ACYP2: variants seen among roughly 807,000 people sequenced by gnomAD.
ACYP2 encodes acylphosphatase-2.
ACYP2 carries 12 observed loss-of-function variants against 11.2 expected under a neutral mutation model. The ratio of observed to expected loss-of-function variants is 1.08; its 90% CI spans 0.69 to 1.74. ACYP2 has a LOEUF of 1.74. Among genes scored for constraint, ACYP2 ranks in the 40% most tolerant of loss-of-function variants. The probability of loss-of-function intolerance (pLI) is 0.00; values close to 1 mark genes in which losing one functional copy is unlikely to be tolerated. For missense variants in ACYP2, 134 were observed against 101.9 expected (o/e 1.31, Z -1.35); for synonymous variants, 43 against 32.2 (o/e 1.33, Z -1.13).
At chr2:54,038,819 A>T (rs1205245779) in intron 2 of ACYP2, among the ~76,000 whole-genome samples, 1 of 145,488 alleles carries the variant, frequency 6.9e-6, no homozygotes, top group African/African-American at 2.5e-5. Context: ...AAAAAAAAAG[A>T]TAAATAAAAT....
intron 6 of ACYP2, among the ~76,000 whole-genome samples, chr2:54,272,008 A>G (rs1181728397): frequency 6.6e-6 from 1 of 152,192 alleles, no homozygotes; most frequent in Non-Finnish European, 1.5e-5. Flanking sequence ...CTAGGCTGGA[A>G]AGGCAAGAAA....
intron 4 of ACYP2, among the ~76,000 whole-genome samples, chr2:54,129,543 G>A (rs1414844484): frequency 6.6e-6 from 1 of 151,488 alleles, no homozygotes; most frequent in African/African-American, 2.4e-5. Context: ...TATGCATAAT[G>A]TCAATTTAGG....
chr2:54,274,809 G>A (rs1688475452), intron 6 of ACYP2, among the ~76,000 whole-genome samples: 1 of 152,106 alleles, frequency 6.6e-6, no homozygotes, highest in African/African-American at 2.4e-5. Context: ...CACAATATTT[G>A]CAAGAAGAGA....
intron 2 of ACYP2, among the ~76,000 whole-genome samples, chr2:54,025,091 A>G (rs1256398791): frequency 6.6e-6 from 1 of 152,210 alleles, no homozygotes. Context: ...GAAAGAAATC[A>G]GGGACTACAT....
intron 6 of ACYP2, among the ~76,000 whole-genome samples, chr2:54,299,591 C>CA (rs1213298753): frequency 0.023 from 1,794 of 78,892 alleles, 13 homozygotes; most frequent in Non-Finnish European, 0.025. Context: ...GACTCTGTCT[C>CA]AAAAAAAAAA....
intron 4 of ACYP2, among the ~76,000 whole-genome samples, chr2:54,091,381 C>A (rs1050110043): frequency 6.6e-6 from 1 of 152,072 alleles, no homozygotes; most frequent in African/African-American, 2.4e-5. Flanking sequence ...CATTTTATAT[C>A]CATGAAGGTA....
At chr2:54,002,803 C>A (rs972216212) in intron 2 of ACYP2, among the ~76,000 whole-genome samples, 3 of 151,678 alleles carry the variant, frequency 2.0e-5, no homozygotes, top group Non-Finnish European at 4.4e-5. Flanking sequence ...AGGCATGCAC[C>A]ACCACACCTG....
chr2:54,113,214 A>G (rs1298159591), intron 4 of ACYP2, among the ~76,000 whole-genome samples: 1 of 151,204 alleles, frequency 6.6e-6, no homozygotes, highest in African/African-American at 2.4e-5. Context: ...AAGAAACAAG[A>G]GTCTGCATGA....
chr2:54,057,610 A>G (rs1676225880), intron 4 of ACYP2, among the ~76,000 whole-genome samples: 1 of 152,250 alleles, frequency 6.6e-6, no homozygotes, highest in African/African-American at 2.4e-5. Flanking sequence ...ACGTTTTATT[A>G]GAAGCATACT....
intron 2 of ACYP2, among the ~76,000 whole-genome samples, chr2:54,019,867 G>T (rs970194594): frequency 2.6e-5 from 4 of 151,844 alleles, no homozygotes; most frequent in Admixed American, 6.6e-5. Context: ...TGATCCACCT[G>T]CCTCGGCCTT....
At chr2:54,168,712 A>G (rs1683110002) in intron 6 of ACYP2, among the ~76,000 whole-genome samples, 1 of 151,406 alleles carries the variant, frequency 6.6e-6, no homozygotes, top group Admixed American at 6.6e-5. Flanking sequence ...TTAAAAAGAG[A>G]AAGAGCAGTG....
At chr2:54,165,619 C>T (rs2103838981) in intron 6 of ACYP2, among the ~76,000 whole-genome samples, 1 of 151,644 alleles carries the variant, frequency 6.6e-6, no homozygotes, top group East Asian at 1.9e-4. Flanking sequence ...AAGGAAAGTA[C>T]ACTTGAAGGC....
At chr2:54,098,847 C>T (rs1008588899) in intron 4 of ACYP2, among the ~76,000 whole-genome samples, 2 of 151,912 alleles carry the variant, frequency 1.3e-5, no homozygotes, top group African/African-American at 4.8e-5. Flanking sequence ...TCTGCCTCAG[C>T]CTTCTGAGTA....
intron 6 of ACYP2, among the ~76,000 whole-genome samples, chr2:54,193,869 T>C (rs1224871052): frequency 6.6e-6 from 1 of 152,120 alleles, no homozygotes; most frequent in Non-Finnish European, 1.5e-5. Context: ...TGGGAAAAAA[T>C]AGAAACACTC....
intron 6 of ACYP2, among the ~76,000 whole-genome samples, chr2:54,279,749 G>A (rs1044164000): frequency 1.3e-5 from 2 of 152,076 alleles, no homozygotes; most frequent in African/African-American, 4.8e-5. Context: ...AAACTCTCCT[G>A]TATTCATAGA....
At chr2:54,250,477 T>TGGGGGGGGGG (rs149150140) in intron 6 of ACYP2, among the ~76,000 whole-genome samples, 85 of 83,670 alleles carry the variant, frequency 1.0e-3, no homozygotes, top group South Asian at 1.2e-3. Flanking sequence ...GTGGGTGGGG[T>TGGGGGGGGGG]GGGGGGGGCG....
intron 6 of ACYP2, among the ~76,000 whole-genome samples, chr2:54,161,159 G>A (rs1057448748): frequency 6.6e-6 from 1 of 152,136 alleles, no homozygotes; most frequent in African/African-American, 2.4e-5. Context: ...CACTAAACTA[G>A]AGCAATGGAT....
At chr2:54,128,910 G>C (rs1360670966) in intron 4 of ACYP2, among the ~76,000 whole-genome samples, 1 of 151,990 alleles carries the variant, frequency 6.6e-6, no homozygotes, top group Non-Finnish European at 1.5e-5. Flanking sequence ...TTACCCACTT[G>C]GTCTACTCAG....
intron 2 of ACYP2, among the ~76,000 whole-genome samples, chr2:54,049,104 T>C (rs993539835): frequency 6.6e-6 from 1 of 151,992 alleles, no homozygotes; most frequent in South Asian, 2.1e-4. Context: ...CTTCTAAAAA[T>C]ACAAAAATTA....
Sources: gnomAD v4.1 joint callset for allele counts (sites outside exome capture counted in the v4.1 genomes callset) on GRCh38, gnomAD v4.1.1 for gene constraint, MANE v1.5 for transcripts, NCBI Gene and HGNC (gene_info 2026-07-23, HGNC 2026-07-21) for gene names.